The following FAM13A variants were observed in gnomAD, a reference collection of about 807,000 sequenced individuals.
FAM13A encodes the protein protein FAM13A.
Under a neutral mutation model 129.6 loss-of-function variants are expected in FAM13A, and 76 were observed. The observed-to-expected ratio is 0.59, with a 90% confidence interval of 0.49 to 0.71. FAM13A has a LOEUF of 0.71. Ranked by LOEUF, FAM13A falls within the 30% of genes least tolerant of loss-of-function variation. The pLI is 0.00. For synonymous variants in FAM13A, 443 were observed against 449.9 expected (o/e 0.98, Z 0.20); for missense variants, 1,108 against 1,249.3 (o/e 0.89, Z 1.70).
chr4:88,875,668 T>C (rs1408965894), intron 6 of FAM13A, among the ~76,000 whole-genome samples: 3 of 152,096 alleles, frequency 2.0e-5, no homozygotes, highest in Admixed American at 6.5e-5. Context: ...TGTGGAGAAA[T>C]AGGAACACTT....
intron 6 of FAM13A, among the ~76,000 whole-genome samples, chr4:88,852,342 T>G (rs1235369502): frequency 6.6e-6 from 1 of 152,000 alleles, no homozygotes; most frequent in Non-Finnish European, 1.5e-5. Flanking sequence ...TTGTATTTTT[T>G]GTAGGGATGT....
At chr4:88,895,467 T>A (rs932783428) in intron 6 of FAM13A, among the ~76,000 whole-genome samples, 6 of 149,990 alleles carry the variant, frequency 4.0e-5, no homozygotes, top group Admixed American at 2.0e-4. Flanking sequence ...GAAACTACCA[T>A]CAGAGTGAAC....
intron 6 of FAM13A, among the ~76,000 whole-genome samples, chr4:88,857,647 A>G (rs1578985394): frequency 6.6e-6 from 1 of 151,658 alleles, no homozygotes; most frequent in East Asian, 1.9e-4. Context: ...AAAAAAAAAA[A>G]AAGCTTATCT....
chr4:88,894,554 C>CAAAAAATTTTTTGAG (rs1461597252), intron 6 of FAM13A, among the ~76,000 whole-genome samples: 3 of 152,122 alleles, frequency 2.0e-5, no homozygotes, highest in Non-Finnish European at 4.4e-5. Flanking sequence ...TACAGAGTCT[C>CAAAAAATTTTTTGAG]ACTCTGTCAC....
chr4:88,906,453 A>C lies in FAM13A; in HGVS notation c.769T>G (p.Tyr257Asp). 2 of 1,602,558 alleles carry C rather than the reference A, an allele frequency of 1.2e-6. No homozygotes were observed. Among genetic ancestry groups the C allele is most frequent in the South Asian group, 1.1e-5 (1 of 89,624 alleles). ...AAAAGGATGGGCAGGGAGTTCTTAT[A>C]ATAGACCTCCTACAAAAGAAGTATA... ...ARLIIVKEVY[Y>D]KNSLPILLTR... Residue 257 changes from tyrosine to aspartate, a missense_variant, in exon 6 of 24, where the codon TAT becomes GAT. Around this residue, in one of 3 missense-constraint regions of FAM13A, gnomAD observed 566 missense variants for 595.7 expected, o/e 0.95. Transcript: ENST00000264344.
chr4:88,926,193 AC>A (rs1412648953), intron 5 of FAM13A, among the ~76,000 whole-genome samples: 1 of 151,652 alleles, frequency 6.6e-6, no homozygotes, highest in Non-Finnish European at 1.5e-5. Flanking sequence ...GGAAATTTAC[AC>A]CCCCACAGTT....
At chr4:89,030,744 A>C (rs566541541) in intron 1 of FAM13A, among the ~76,000 whole-genome samples, 3 of 152,300 alleles carry the variant, frequency 2.0e-5, no homozygotes, top group South Asian at 4.1e-4. Context: ...TCCTCTCCTT[A>C]ATTTACAATA....
At chr4:88,736,494 A>C (rs1264851953) in intron 21 of FAM13A, 2 of 152,210 alleles carry the variant, frequency 1.3e-5, no homozygotes, top group Non-Finnish European at 2.9e-5. Flanking sequence ...CAGAAATATG[A>C]CAAGTGAAAC....
intron 5 of FAM13A, among the ~76,000 whole-genome samples, chr4:88,915,605 T>C (rs986023714): frequency 6.6e-6 from 1 of 152,206 alleles, no homozygotes; most frequent in Non-Finnish European, 1.5e-5. Flanking sequence ...AACCAGTCAT[T>C]TCCATGTAAA....
intron 3 of FAM13A, among the ~76,000 whole-genome samples, chr4:89,010,386 C>T (rs1795737): frequency 2.0e-5 from 3 of 152,112 alleles, no homozygotes; most frequent in Non-Finnish European, 4.4e-5. Flanking sequence ...ACAGACAGCA[C>T]CTAAGCCTTT....
At chr4:88,794,595 G>A (rs560904864) in intron 8 of FAM13A, among the ~76,000 whole-genome samples, 2 of 151,808 alleles carry the variant, frequency 1.3e-5, no homozygotes, top group Non-Finnish European at 3.0e-5. Context: ...TCTCTTTTCT[G>A]TGCGTTGTCT....
At chr4:88,767,339 C>T (rs1745879077) in intron 13 of FAM13A, among the ~76,000 whole-genome samples, 3 of 152,150 alleles carry the variant, frequency 2.0e-5, no homozygotes, top group Non-Finnish European at 4.4e-5. Context: ...TAAAGTTTAT[C>T]ATCATAAGCA....
intron 7 of FAM13A, among the ~76,000 whole-genome samples, chr4:88,831,886 A>AT (rs148605293): frequency 0.36 from 55,223 of 151,616 alleles, 10,288 homozygotes; most frequent in African/African-American, 0.44. Flanking sequence ...CAGAATTAGA[A>AT]TTTTTTTTTA....
chr4:88,981,436 T>C (rs964520492), intron 4 of FAM13A, among the ~76,000 whole-genome samples: 1 of 152,248 alleles, frequency 6.6e-6, no homozygotes, highest in Non-Finnish European at 1.5e-5. Context: ...GTATTTCTAA[T>C]ATAATGAATC....
intron 7 of FAM13A, among the ~76,000 whole-genome samples, chr4:88,839,327 G>T (rs1262690923): frequency 6.6e-6 from 1 of 152,058 alleles, no homozygotes; most frequent in Non-Finnish European, 1.5e-5. Context: ...AAAAATAAAA[G>T]CCAAACCTTA....
intron 8 of FAM13A, among the ~76,000 whole-genome samples, chr4:88,795,949 A>C (rs1328993253): frequency 6.6e-6 from 1 of 151,790 alleles, no homozygotes; most frequent in Non-Finnish European, 1.5e-5. Context: ...TCTCAAGCTT[A>C]TCAAGAATTT....
chr4:88,863,753 T>C (rs1161793121), intron 6 of FAM13A, among the ~76,000 whole-genome samples: 1 of 152,144 alleles, frequency 6.6e-6, no homozygotes, highest in Non-Finnish European at 1.5e-5. Flanking sequence ...GTCAGAAGTG[T>C]TGGGAGGATG....
At chr4:88,865,795 G>A (rs1042219129) in intron 6 of FAM13A, among the ~76,000 whole-genome samples, 7 of 151,748 alleles carry the variant, frequency 4.6e-5, no homozygotes, top group Non-Finnish European at 8.8e-5. Context: ...TAGATGGTAC[G>A]CGGGATTTGG....
intron 6 of FAM13A, among the ~76,000 whole-genome samples, chr4:88,883,974 ACT>A (rs1744013297): frequency 6.6e-6 from 1 of 152,068 alleles, no homozygotes; most frequent in Non-Finnish European, 1.5e-5. Context: ...AGAACTAGAA[ACT>A]CTGCACAGAT....
Sources: allele counts gnomAD v4.1 joint callset (sites outside exome capture counted in the v4.1 genomes callset), GRCh38; gene constraint gnomAD v4.1.1; regional missense constraint gnomAD v4.1.1; transcripts MANE v1.5; gene names NCBI Gene and HGNC (gene_info 2026-07-23, HGNC 2026-07-21).